The following MYO3B variants were observed in gnomAD, a reference collection of about 807,000 sequenced individuals.
The protein encoded by MYO3B is myosin-IIIb.
A neutral mutation model predicts 174.6 loss-of-function variants in MYO3B; 156 were observed. That is an observed-to-expected ratio of 0.89 (90% CI 0.78 to 1.02). The LOEUF (loss-of-function observed/expected upper bound fraction) is 1.02, where lower values mean the gene tolerates loss of function less well. MYO3B is among the 50% of genes least tolerant of loss of function. MYO3B has a pLI of 0.00. For synonymous variants in MYO3B, 563 were observed against 569.1 expected (o/e 0.99, Z 0.15); for missense variants, 1,632 against 1,639.4 (o/e 1.00, Z 0.08).
At chr2:170,574,682 A>T (rs189364051) in intron 32 of MYO3B, among the ~76,000 whole-genome samples, 1 of 152,280 alleles carries the variant, frequency 6.6e-6, no homozygotes, top group Admixed American at 6.5e-5. Flanking sequence ...TCAGGGTGAA[A>T]ACTGGCTGGT....
chr2:170,255,339 C>A (rs1304352602), intron 7 of MYO3B, among the ~76,000 whole-genome samples: 1 of 152,058 alleles, frequency 6.6e-6, no homozygotes. Context: ...TTGTGCTCCT[C>A]CCCCCTTCCC....
At chr2:170,536,449 C>A (rs563801231) in intron 30 of MYO3B, among the ~76,000 whole-genome samples, 1 of 152,338 alleles carries the variant, frequency 6.6e-6, no homozygotes, top group East Asian at 1.9e-4. Flanking sequence ...TGCATGCATT[C>A]AGAATTGTTC....
chr2:170,311,312 G>T (rs1367740001), intron 7 of MYO3B, among the ~76,000 whole-genome samples: 3 of 151,782 alleles, frequency 2.0e-5, no homozygotes, highest in Non-Finnish European at 4.4e-5. Context: ...CATCCTAGTG[G>T]GTGTAAAGCG....
intron 3 of MYO3B, among the ~76,000 whole-genome samples, chr2:170,211,414 A>C (rs948322435): frequency 6.6e-5 from 10 of 152,242 alleles, no homozygotes; most frequent in African/African-American, 2.4e-4. Flanking sequence ...CATGCCAAGC[A>C]GCTAGTATTT....
At chr2:170,389,401 G>T (rs987141279) in intron 14 of MYO3B, among the ~76,000 whole-genome samples, 3 of 152,192 alleles carry the variant, frequency 2.0e-5, no homozygotes, top group African/African-American at 7.2e-5. Context: ...AGTGACTGCA[G>T]TGAGCACAGC....
At chr2:170,405,402 G>A (rs928123185) in intron 20 of MYO3B, 143 bp from the exon 21 acceptor site, 25 of 659,250 alleles carry the variant, frequency 3.8e-5, no homozygotes, top group Non-Finnish European at 5.3e-5. Flanking sequence ...CCATCATATC[G>A]GTGATCTTTC....
intron 26 of MYO3B, 142 bp from the exon 27 acceptor site, chr2:170,499,504 G>A: frequency 1.3e-6 from 1 of 745,392 alleles, no homozygotes; most frequent in South Asian, 1.9e-5. Flanking sequence ...CCTCCATGAA[G>A]TCAGTAATGT....
Position 170,200,137 on chromosome 2 carries a change from C to T in MYO3B, c.187-13C>T. On this transcript the variant is annotated splice_polypyrimidine_tract_variant and intron_variant, in intron 2 of 34. Transcript: ENST00000408978. The stretch of plus-strand genomic sequence containing the variant: ...TAGATTTAATCCAGCTTGCATTTTT[C>T]TACCCTGTTTAGGATATGGATGAAG... The T allele has an allele frequency of 6.2e-7, 1 of 1,608,068 alleles. No individual in the cohort carries two copies. Among genetic ancestry groups the T allele is most frequent in the Non-Finnish European group, 8.5e-7 (1 of 1,177,312 alleles).
At chr2:170,345,850 T>C (rs1262055030) in intron 8 of MYO3B, among the ~76,000 whole-genome samples, 1 of 151,370 alleles carries the variant, frequency 6.6e-6, no homozygotes, top group Non-Finnish European at 1.5e-5. Flanking sequence ...GATAAGATCA[T>C]GTGAAGACTG....
intron 6 of MYO3B, among the ~76,000 whole-genome samples, chr2:170,225,186 T>G (rs2092938725): frequency 6.6e-6 from 1 of 152,262 alleles, no homozygotes; most frequent in African/African-American, 2.4e-5. Context: ...GTGTATTAAC[T>G]CATTTATAAA....
chr2:170,651,578 T>C lies in MYO3B; in HGVS notation c.3734-50T>C, dbSNP rs377181128. The C allele has an allele frequency of 4.9e-4, 741 of 1,519,278 alleles. 3 individuals are homozygous for C. Among genetic ancestry groups the C allele is most frequent in the Middle Eastern group, 3.9e-3 (23 of 5,866 alleles). The allele number at this position is 1,519,278 out of a possible 1,614,324, so 94.1% of individuals were successfully genotyped here. A position where few individuals can be genotyped will look rare whatever the true frequency, so the allele number is the denominator to read the frequency against. On this transcript the variant is annotated intron_variant, in intron 32 of 34. Transcript: ENST00000408978. ...ATGTGAAGAGCCATTTTTCACTTAA[T>C]TTTCCCAACACCTCGGACAGTTTAC...
chr2:170,193,850 A>T (rs915801844), intron 1 of MYO3B, among the ~76,000 whole-genome samples: 1 of 152,082 alleles, frequency 6.6e-6, no homozygotes, highest in African/African-American at 2.4e-5. Flanking sequence ...AGGATATTTA[A>T]ATCTCAGTTT....
At chr2:170,312,769 C>T (rs949285234) in intron 7 of MYO3B, among the ~76,000 whole-genome samples, 10 of 152,192 alleles carry the variant, frequency 6.6e-5, no homozygotes, top group East Asian at 1.9e-4. Flanking sequence ...AAATCACTTC[C>T]GTTTGGTATC....
intron 22 of MYO3B, among the ~76,000 whole-genome samples, chr2:170,439,981 T>C (rs1326827262): frequency 6.6e-6 from 1 of 152,216 alleles, no homozygotes; most frequent in Non-Finnish European, 1.5e-5. Flanking sequence ...TGCCTGGCTA[T>C]AGTTTCAGTT....
intron 7 of MYO3B, among the ~76,000 whole-genome samples, chr2:170,258,233 C>A (rs902104819): frequency 2.0e-5 from 3 of 152,072 alleles, no homozygotes; most frequent in Admixed American, 6.6e-5. Flanking sequence ...AAGCCAGCAT[C>A]ATTCTGATAC....
intron 7 of MYO3B, among the ~76,000 whole-genome samples, chr2:170,329,259 G>GTGTGTATA (rs918829938): frequency 1.5e-3 from 220 of 149,256 alleles, no homozygotes; most frequent in Non-Finnish European, 2.1e-3. Flanking sequence ...GTGTGTGTGT[G>GTGTGTATA]TATATATATA....
intron 9 of MYO3B, among the ~76,000 whole-genome samples, chr2:170,371,782 C>T (rs925011112): frequency 1.3e-5 from 2 of 151,638 alleles, no homozygotes; most frequent in South Asian, 2.1e-4. Flanking sequence ...TATGGCCACC[C>T]GGCAGGCAGT....
chr2:170,266,488 A>G (rs370478928), intron 7 of MYO3B, among the ~76,000 whole-genome samples: 2 of 152,164 alleles, frequency 1.3e-5, no homozygotes, highest in African/African-American at 4.8e-5. Flanking sequence ...TCTTAAGGTC[A>G]TTCTTTCAAT....
chr2:170,396,685 G>A (rs1253340985), intron 16 of MYO3B, among the ~76,000 whole-genome samples: 1 of 152,180 alleles, frequency 6.6e-6, no homozygotes, highest in Non-Finnish European at 1.5e-5. Flanking sequence ...AGAGGGTAGT[G>A]CCAGAGAAGC....
Sources: gnomAD v4.1 joint callset for allele counts (sites outside exome capture counted in the v4.1 genomes callset) on GRCh38, gnomAD v4.1.1 for gene constraint, MANE v1.5 for transcripts, NCBI Gene and HGNC (gene_info 2026-07-23, HGNC 2026-07-21) for gene names.